Variants in ZNF385D observed in about 807,000 individuals in gnomAD.
The protein encoded by ZNF385D is zinc finger protein 385D, also known as zinc finger protein 659.
In ZNF385D, 15 loss-of-function variants were observed where a neutral mutation model predicts 35.8. That is an observed-to-expected ratio of 0.42 (90% CI 0.28 to 0.64). ZNF385D has a LOEUF of 0.64. ZNF385D is among the 30% of genes least tolerant of loss of function. ZNF385D has a pLI of 0.23. For missense variants in ZNF385D, 474 were observed against 494.6 expected, an observed-to-expected ratio of 0.96 and a Z score of 0.39; for synonymous variants, 212 against 186.8, an observed-to-expected ratio of 1.13 and a Z score of -1.10.
chr3:22,119,312 T>C (rs1470168861), intron 3 of ZNF385D, among the ~76,000 whole-genome samples: 2 of 152,304 alleles, frequency 1.3e-5, no homozygotes, highest in East Asian at 1.9e-4. Context: ...ATACAAGGCA[T>C]TGACTTATGT....
At chr3:21,478,110 T>C (rs1704365372) in intron 4 of ZNF385D, among the ~76,000 whole-genome samples, 1 of 152,054 alleles carries the variant, frequency 6.6e-6, no homozygotes, top group African/African-American at 2.4e-5. Flanking sequence ...ATTCAATCAA[T>C]GCAATATCCA....
rs958143829 is a variant in ZNF385D at position 22,229,338 on chromosome 3, T to C, written c.107-60303A>G. On this transcript the variant is annotated intron_variant, in intron 2 of 5. Transcript: ENST00000494108. ...TTAACTCTGGGATGCCACAGTCACA[T>C]TGTTCTGTGACCCCAACTTAGGTTG... Among the ~76,000 whole-genome samples the C allele has an allele frequency of 3.3e-5, 5 of 152,164 alleles. No homozygotes were observed. The East Asian group carries it at 9.7e-4, about 29-fold the overall frequency.
At chr3:22,222,004 T>C (rs1159829645) in intron 2 of ZNF385D, among the ~76,000 whole-genome samples, 1 of 151,912 alleles carries the variant, frequency 6.6e-6, no homozygotes, top group African/African-American at 2.4e-5. Flanking sequence ...TTTAAGACAG[T>C]CTCATTCCAT....
At chr3:22,227,700 T>G (rs1215069963) in intron 2 of ZNF385D, among the ~76,000 whole-genome samples, 1 of 152,148 alleles carries the variant, frequency 6.6e-6, no homozygotes, top group Admixed American at 6.5e-5. Flanking sequence ...CATGATACCA[T>G]TGCCATGGCA....
At chr3:21,480,639 C>T (rs1412096884) in intron 4 of ZNF385D, among the ~76,000 whole-genome samples, 1 of 152,096 alleles carries the variant, frequency 6.6e-6, no homozygotes, top group Non-Finnish European at 1.5e-5. Flanking sequence ...GTAATGATCA[C>T]TAAAATGCGT....
At chr3:21,466,482 G>C (rs1703524579) in intron 4 of ZNF385D, among the ~76,000 whole-genome samples, 1 of 152,016 alleles carries the variant, frequency 6.6e-6, no homozygotes, top group Non-Finnish European at 1.5e-5. Context: ...AAGCCTTCAA[G>C]GATACCCTAC....
chr3:21,885,379 A>G (rs1215589058), intron 3 of ZNF385D, among the ~76,000 whole-genome samples: 4 of 152,028 alleles, frequency 2.6e-5, no homozygotes. Context: ...TCAAATACTT[A>G]CTTATACCCT....
At chr3:21,978,648 C>G (rs1214275927) in intron 3 of ZNF385D, among the ~76,000 whole-genome samples, 1 of 152,136 alleles carries the variant, frequency 6.6e-6, no homozygotes, top group Non-Finnish European at 1.5e-5. Context: ...TTCAATTACT[C>G]TTTTATGAGT....
chr3:21,784,552 C>A (rs186178749), intron 3 of ZNF385D, among the ~76,000 whole-genome samples: 48 of 151,884 alleles, frequency 3.2e-4, no homozygotes, highest in Admixed American at 1.6e-3. Context: ...AGGGCATAGA[C>A]TAGGTGAGGG....
intron 2 of ZNF385D, among the ~76,000 whole-genome samples, chr3:22,295,632 G>A (rs1702531437): frequency 6.6e-6 from 1 of 152,128 alleles, no homozygotes; most frequent in Non-Finnish European, 1.5e-5. Context: ...GGTAAATGAG[G>A]TGGATCTGAA....
chr3:21,951,343 T>A (rs1325543768), intron 3 of ZNF385D, among the ~76,000 whole-genome samples: 1 of 151,752 alleles, frequency 6.6e-6, no homozygotes, highest in Non-Finnish European at 1.5e-5. Context: ...TTTGGCTATC[T>A]GATTGTCTAT....
intron 2 of ZNF385D, among the ~76,000 whole-genome samples, chr3:22,358,446 C>A (rs563535350): frequency 5.9e-5 from 9 of 151,870 alleles, no homozygotes; most frequent in African/African-American, 2.2e-4. Context: ...CAAGTAGCAG[C>A]TTGAAGAAAG....
At chr3:21,657,039 AAAGG>A (rs1559494387) in intron 2 of ZNF385D, among the ~76,000 whole-genome samples, 1 of 151,864 alleles carries the variant, frequency 6.6e-6, no homozygotes, top group Non-Finnish European at 1.5e-5. Context: ...TTGACTACAT[AAAGG>A]ATATCTATAT....
At chr3:21,613,066 CA>C (rs2064736278) in intron 2 of ZNF385D, among the ~76,000 whole-genome samples, 2 of 146,402 alleles carry the variant, frequency 1.4e-5, no homozygotes, top group African/African-American at 5.0e-5. Context: ...GTTACTTTTT[CA>C]GATTTAAACT....
chr3:21,835,321 A>G (rs904811880), intron 3 of ZNF385D, among the ~76,000 whole-genome samples: 1 of 152,046 alleles, frequency 6.6e-6, no homozygotes, highest in African/African-American at 2.4e-5. Flanking sequence ...GTACTATGCA[A>G]GTATGTAGCA....
chr3:22,120,436 A>G (rs1330146084), intron 3 of ZNF385D, among the ~76,000 whole-genome samples: 3 of 152,098 alleles, frequency 2.0e-5, no homozygotes, highest in African/African-American at 7.2e-5. Context: ...ATGACCTCGT[A>G]TAAGCTTAAT....
intron 1 of ZNF385D, among the ~76,000 whole-genome samples, chr3:21,696,464 A>AC (rs1469516138): frequency 9.2e-5 from 14 of 152,242 alleles, no homozygotes; most frequent in Non-Finnish European, 1.5e-4. Flanking sequence ...TTTTGACAGC[A>AC]CATAATCATT....
At chr3:22,340,145 G>C (rs1695358470) in intron 2 of ZNF385D, among the ~76,000 whole-genome samples, 1 of 152,122 alleles carries the variant, frequency 6.6e-6, no homozygotes, top group Admixed American at 6.5e-5. Flanking sequence ...GACAAATTAA[G>C]AACTTTGGTT....
intron 3 of ZNF385D, among the ~76,000 whole-genome samples, chr3:21,865,833 A>G (rs1697317457): frequency 6.6e-6 from 1 of 152,132 alleles, no homozygotes; most frequent in Admixed American, 6.6e-5. Flanking sequence ...CTACTTCAAT[A>G]CAACCAAAAG....
Sources: allele counts gnomAD v4.1 joint callset (sites outside exome capture counted in the v4.1 genomes callset), GRCh38; gene constraint gnomAD v4.1.1; transcripts MANE v1.5; gene names NCBI Gene and HGNC (gene_info 2026-07-23, HGNC 2026-07-21).